The following VAV3 variants were observed in gnomAD, a reference collection of about 807,000 sequenced individuals.
VAV3 encodes vav guanine nucleotide exchange factor 3.
Under a neutral mutation model 131.2 loss-of-function variants are expected in VAV3, and 94 were observed. The observed-to-expected ratio is 0.72, with a 90% CI of 0.61 to 0.85. The LOEUF is 0.85. VAV3 is among the 40% of genes least tolerant of loss of function. The pLI, the probability that VAV3 is intolerant of heterozygous loss-of-function variation, is 0.00. For missense variants in VAV3, 939 were observed against 1,002.7 expected, an observed-to-expected ratio of 0.94 and a Z score of 0.86; for synonymous variants, 349 against 342.0, an observed-to-expected ratio of 1.02 and a Z score of -0.22.
intron 15 of VAV3, among the ~76,000 whole-genome samples, chr1:107,745,860 C>T (rs1663311526): frequency 6.6e-6 from 1 of 152,174 alleles, no homozygotes; most frequent in Non-Finnish European, 1.5e-5. Flanking sequence ...CAATGCCTCC[C>T]TTTCCTTTTC....
chr1:107,632,547 G>T (rs955274631), intron 20 of VAV3, among the ~76,000 whole-genome samples: 1 of 152,110 alleles, frequency 6.6e-6, no homozygotes, highest in African/African-American at 2.4e-5. Context: ...TCTTTGATTG[G>T]CTTAGAAGTA....
At chr1:107,734,844 G>A (rs1662491396) in intron 15 of VAV3, among the ~76,000 whole-genome samples, 1 of 152,150 alleles carries the variant, frequency 6.6e-6, no homozygotes, top group African/African-American at 2.4e-5. Context: ...ACTCAGCAAT[G>A]CACCAAGCAG....
intron 2 of VAV3, among the ~76,000 whole-genome samples, chr1:107,787,757 A>C (rs1240956724): frequency 6.6e-6 from 1 of 152,216 alleles, no homozygotes; most frequent in Non-Finnish European, 1.5e-5. Flanking sequence ...GATATTTTTC[A>C]GATTCTGAGA....
intron 20 of VAV3, among the ~76,000 whole-genome samples, chr1:107,619,797 T>C (rs968178642): frequency 2.6e-5 from 4 of 152,190 alleles, no homozygotes; most frequent in African/African-American, 7.2e-5. Flanking sequence ...CTTTAATCTA[T>C]AGAATGCAGT....
chr1:107,860,595 T>A (rs1366871100), intron 2 of VAV3, among the ~76,000 whole-genome samples: 4 of 151,636 alleles, frequency 2.6e-5, no homozygotes, highest in Admixed American at 2.6e-4. Context: ...TGGCTTCTAT[T>A]CTCTCCTTCG....
At chr1:107,703,139 A>G (rs1167294351) in intron 17 of VAV3, among the ~76,000 whole-genome samples, 1 of 152,166 alleles carries the variant, frequency 6.6e-6, no homozygotes, top group Non-Finnish European at 1.5e-5. Context: ...TTATATAAAC[A>G]TTAGCCTACT....
At chr1:107,628,752 G>A (rs188947391) in intron 20 of VAV3, among the ~76,000 whole-genome samples, 3 of 152,282 alleles carry the variant, frequency 2.0e-5, no homozygotes, top group Admixed American at 2.0e-4. Context: ...TAGAACTAAA[G>A]TAGGGGACCA....
chr1:107,871,464 T>C (rs983247191), intron 2 of VAV3, among the ~76,000 whole-genome samples: 1 of 151,360 alleles, frequency 6.6e-6, no homozygotes. Context: ...GACTCTTAAA[T>C]GAGTTCAAGT....
At chr1:107,714,987 T>C (rs911584791) in intron 15 of VAV3, among the ~76,000 whole-genome samples, 1 of 152,202 alleles carries the variant, frequency 6.6e-6, no homozygotes, top group Admixed American at 6.5e-5. Flanking sequence ...TTGAATGAAA[T>C]GTAAAGTCAG....
intron 12 of VAV3, among the ~76,000 whole-genome samples, chr1:107,753,549 T>TATATATATATATACACACACACACAC (rs771773884): frequency 2.4e-5 from 2 of 82,044 alleles, no homozygotes; most frequent in Non-Finnish European, 5.1e-5. Context: ...TATATATATA[T>TATATATATATATACACACACACACAC]ACACACACAC....
At chr1:107,953,761 C>T (rs900161250) in intron 1 of VAV3, among the ~76,000 whole-genome samples, 3 of 152,102 alleles carry the variant, frequency 2.0e-5, no homozygotes, top group African/African-American at 4.8e-5. Flanking sequence ...AAGCACGACG[C>T]TTGTTTATTC....
At chr1:107,700,814 C>T (rs1660074434) in intron 17 of VAV3, among the ~76,000 whole-genome samples, 1 of 152,090 alleles carries the variant, frequency 6.6e-6, no homozygotes, top group African/African-American at 2.4e-5. Flanking sequence ...GGGTATATGC[C>T]TAGTAATGGG....
chr1:107,676,751 C>T (rs1658240401), intron 19 of VAV3, among the ~76,000 whole-genome samples: 1 of 152,140 alleles, frequency 6.6e-6, no homozygotes, highest in Non-Finnish European at 1.5e-5. Flanking sequence ...TTTACCTTTA[C>T]TGATGTCTGT....
intron 19 of VAV3, among the ~76,000 whole-genome samples, chr1:107,651,601 T>C (rs1036318591): frequency 6.6e-5 from 10 of 151,966 alleles, no homozygotes; most frequent in Non-Finnish European, 1.3e-4. Context: ...CTTCCAAATA[T>C]GCATGTGCAC....
chr1:107,880,965 A>AT (rs1287677939), intron 1 of VAV3, among the ~76,000 whole-genome samples: 1 of 151,710 alleles, frequency 6.6e-6, no homozygotes, highest in Non-Finnish European at 1.5e-5. Flanking sequence ...AAAAGTTTTA[A>AT]TTTTTTTTTA....
intron 19 of VAV3, among the ~76,000 whole-genome samples, chr1:107,644,891 T>C (rs17019596): frequency 0.37 from 55,451 of 151,398 alleles, 11,226 homozygotes; most frequent in East Asian, 0.61. Context: ...ATATTTAACA[T>C]TACAAAGGGT....
At chr1:107,707,731 G>T (rs1660540358) in intron 15 of VAV3, among the ~76,000 whole-genome samples, 1 of 152,192 alleles carries the variant, frequency 6.6e-6, no homozygotes, top group African/African-American at 2.4e-5. Context: ...GTATGAAACT[G>T]TGATCTCTTC....
At chr1:107,741,255 T>G (rs1663003965) in intron 15 of VAV3, among the ~76,000 whole-genome samples, 1 of 152,220 alleles carries the variant, frequency 6.6e-6, no homozygotes, top group Admixed American at 6.5e-5. Context: ...TTTCAAAAAT[T>G]AACAACAAAG....
At chr1:107,668,954 C>T in intron 19 of VAV3, 1 of 990,238 alleles carries the variant, frequency 1.0e-6, no homozygotes, top group Non-Finnish European at 1.2e-6. Flanking sequence ...GAATTCTCTT[C>T]AACTCTTTCG....
Sources: gnomAD v4.1 joint callset for allele counts (sites outside exome capture counted in the v4.1 genomes callset) on GRCh38, gnomAD v4.1.1 for gene constraint, MANE v1.5 for transcripts, NCBI Gene and HGNC (gene_info 2026-07-23, HGNC 2026-07-21) for gene names.